NELL1: variants seen among roughly 807,000 people sequenced by gnomAD.
NELL1 encodes the protein protein kinase C-binding protein NELL1.
In NELL1, 76 loss-of-function variants were observed where a neutral mutation model predicts 107.4. That is an observed-to-expected ratio of 0.71 (90% confidence interval 0.59 to 0.86). The LOEUF (loss-of-function observed/expected upper bound fraction) is 0.86, where lower values mean the gene tolerates loss of function less well. Among genes scored for constraint, NELL1 ranks in the 40% least tolerant of loss-of-function variants. The pLI is 0.00. For synonymous variants in NELL1, 353 were observed against 341.2 expected, an observed-to-expected ratio of 1.03 and a Z score of -0.38; for missense variants, 1,024 against 1,005.5, an observed-to-expected ratio of 1.02 and a Z score of -0.25.
intron 15 of NELL1, among the ~76,000 whole-genome samples, chr11:21,468,370 T>C (rs1854082879): frequency 6.6e-6 from 1 of 152,112 alleles, no homozygotes; most frequent in Admixed American, 6.6e-5. Flanking sequence ...TTAATATCAG[T>C]TTTGTTTCTT....
At chr11:21,309,836 C>T (rs918752239) in intron 14 of NELL1, among the ~76,000 whole-genome samples, 11 of 152,048 alleles carry the variant, frequency 7.2e-5, no homozygotes, top group African/African-American at 1.2e-4. Context: ...GCAGGAAAGA[C>T]GCACCCCATT....
chr11:20,882,273 T>C (rs1281622290), intron 4 of NELL1, among the ~76,000 whole-genome samples: 3 of 152,242 alleles, frequency 2.0e-5, no homozygotes, highest in African/African-American at 7.2e-5. Context: ...TTCATTCACT[T>C]TTTTCTTGCC....
intron 14 of NELL1, among the ~76,000 whole-genome samples, chr11:21,321,885 T>G (rs1850018815): frequency 1.3e-5 from 2 of 152,218 alleles, no homozygotes; most frequent in African/African-American, 4.8e-5. Flanking sequence ...TCCAGCAGGA[T>G]TTGAATCTAG....
chr11:20,941,356 A>G lies in NELL1; in HGVS notation c.1071+3497A>G, dbSNP rs557542705. ...GGGTGAGTCTAATTACTCTTACAAT[A>G]TAGCATTGTGGTTGAAAGGTCAAAA... On this transcript the variant is annotated intron_variant, in intron 10 of 19. Coordinates refer to ENST00000357134, the MANE Select transcript of NELL1 (RefSeq NM_006157.5). 2.0e-5 allele frequency among the ~76,000 whole-genome samples: 3 copies of G among 152,238 alleles called. No individual in the cohort carries two copies. In the South Asian group the frequency reaches 6.2e-4, roughly 32 times the overall value.
chr11:21,556,623 G>A (rs1856716788), intron 16 of NELL1, among the ~76,000 whole-genome samples: 1 of 151,844 alleles, frequency 6.6e-6, no homozygotes, highest in Admixed American at 6.6e-5. Flanking sequence ...AAAGATGAAA[G>A]CAGATTGACT....
chr11:21,519,439 G>A (rs1053934010), intron 15 of NELL1, among the ~76,000 whole-genome samples: 8 of 152,032 alleles, frequency 5.3e-5, no homozygotes, highest in African/African-American at 1.9e-4. Context: ...CTAGTCTGAG[G>A]ACCACTGTTT....
At chr11:20,991,900 G>A (rs1851981783) in intron 12 of NELL1, among the ~76,000 whole-genome samples, 1 of 149,394 alleles carries the variant, frequency 6.7e-6, no homozygotes, top group Admixed American at 6.7e-5. Flanking sequence ...TGTACTTGAG[G>A]AGAATCACAT....
chr11:20,844,106 A>G (rs1293000130), intron 3 of NELL1, among the ~76,000 whole-genome samples: 1 of 152,220 alleles, frequency 6.6e-6, no homozygotes, highest in Non-Finnish European at 1.5e-5. Context: ...TGATAGTGTC[A>G]CTGTACTTTG....
At chr11:20,919,497 A>G (rs1850332160) in intron 7 of NELL1, among the ~76,000 whole-genome samples, 163 bp downstream of exon 7, 1 of 152,138 alleles carries the variant, frequency 6.6e-6, no homozygotes, top group African/African-American at 2.4e-5. Context: ...AATAGTAAAC[A>G]TAACCATTCC....
chr11:20,724,934 C>G (rs1319063416), intron 2 of NELL1, among the ~76,000 whole-genome samples: 3 of 152,176 alleles, frequency 2.0e-5, no homozygotes, highest in Admixed American at 6.5e-5. Context: ...AGGAAACTTA[C>G]AATCATGGTA....
Position 21,320,591 on chromosome 11 carries a change from T to C in NELL1, c.1550-50262T>C, listed in dbSNP as rs148608520. Among the ~76,000 whole-genome samples the C allele has an allele frequency of 1.0e-3, 156 of 152,316 alleles. 1 individual carries two copies. The highest frequency in any genetic ancestry group is 3.6e-3 in the African/African-American group (151 of 41,586). On this transcript the variant is annotated intron_variant, in intron 14 of 19. Coordinates refer to ENST00000357134, the MANE Select transcript of NELL1 (RefSeq NM_006157.5). ...TCCTATTTGACAGATGAAGACACTG[T>C]ACTAAAGTGGTTGGCTGGAATTGCT...
intron 15 of NELL1, among the ~76,000 whole-genome samples, chr11:21,378,343 T>C (rs1034589240): frequency 4.0e-5 from 6 of 151,380 alleles, no homozygotes; most frequent in Admixed American, 4.0e-4. Context: ...ATAAGCTTTT[T>C]TTGACAAGAA....
At chr11:20,774,477 C>T (rs970696245) in intron 2 of NELL1, among the ~76,000 whole-genome samples, 3 of 151,110 alleles carry the variant, frequency 2.0e-5, no homozygotes, top group East Asian at 2.0e-4. Context: ...TGTTATCCTC[C>T]GTCTCAGCTT....
chr11:21,500,869 T>C (rs1855122382), intron 15 of NELL1, among the ~76,000 whole-genome samples: 1 of 152,170 alleles, frequency 6.6e-6, no homozygotes, highest in South Asian at 2.1e-4. Flanking sequence ...TCCAACATCA[T>C]ACTTGCCGTT....
chr11:21,466,199 C>A (rs144495980), intron 15 of NELL1, among the ~76,000 whole-genome samples: 46 of 152,284 alleles, frequency 3.0e-4, no homozygotes, highest in African/African-American at 1.1e-3. Flanking sequence ...CAGCACAATG[C>A]ATTGCCCTCT....
At chr11:21,008,379 A>G (rs1373755125) in intron 12 of NELL1, among the ~76,000 whole-genome samples, 1 of 152,148 alleles carries the variant, frequency 6.6e-6, no homozygotes, top group African/African-American at 2.4e-5. Flanking sequence ...TGACTAAAAT[A>G]TCTAAGTATT....
chr11:21,314,390 G>C (rs1249958718), intron 14 of NELL1, among the ~76,000 whole-genome samples: 2 of 152,094 alleles, frequency 1.3e-5, no homozygotes, highest in African/African-American at 4.8e-5. Context: ...TAGACTTCTT[G>C]CTCTTCATCT....
At chr11:21,027,007 C>G (rs1332475347) in intron 12 of NELL1, among the ~76,000 whole-genome samples, 1 of 152,056 alleles carries the variant, frequency 6.6e-6, no homozygotes, top group Non-Finnish European at 1.5e-5. Flanking sequence ...CATTTCCCAG[C>G]ATCCTGGGAA....
chr11:20,673,758 G>T (rs754578960), intron 1 of NELL1, among the ~76,000 whole-genome samples: 1 of 152,116 alleles, frequency 6.6e-6, no homozygotes, highest in South Asian at 2.1e-4. Flanking sequence ...TTGTAGAGCC[G>T]TTATGTCCAA....
Sources: gnomAD v4.1 joint callset for allele counts (sites outside exome capture counted in the v4.1 genomes callset) on GRCh38, gnomAD v4.1.1 for gene constraint, MANE v1.5 for transcripts, NCBI Gene and HGNC (gene_info 2026-07-23, HGNC 2026-07-21) for gene names.